KIF13A: variants seen among roughly 807,000 people sequenced by gnomAD.
The protein encoded by KIF13A is kinesin family member 13A.
In KIF13A, 79 loss-of-function variants were observed where a neutral mutation model predicts 212.2. The ratio of observed to expected loss-of-function variants is 0.37; its 90% CI spans 0.31 to 0.45. The LOEUF (loss-of-function observed/expected upper bound fraction) is 0.45, where lower values mean the gene tolerates loss of function less well. KIF13A is among the 20% of genes least tolerant of loss of function. The pLI is 1.00. For missense variants in KIF13A, 1,901 were observed against 2,209.0 expected (o/e 0.86, Z 2.79); for synonymous variants, 789 against 808.6 (o/e 0.98, Z 0.41).
rs759588912 is a variant in KIF13A, at chr6:17,779,114, A to G, written c.3940-15T>C. ...TCCTCAGTTGCCTACGAGGACAGGA[A>G]GGAAGTGACAATACTTTGATGTGAA... On this transcript the variant is annotated splice_polypyrimidine_tract_variant and intron_variant, in intron 32 of 38. Coordinates refer to ENST00000259711, the MANE Select transcript of KIF13A (RefSeq NM_022113.6). 3.6e-5 allele frequency: 58 copies of G among 1,612,188 alleles called. No individual in the cohort carries two copies. The Admixed American group carries it at 8.3e-4, about 23-fold the overall frequency.
chr6:17,798,752 CT>C (rs1762245133), intron 22 of KIF13A, among the ~76,000 whole-genome samples: 1 of 152,188 alleles, frequency 6.6e-6, no homozygotes, highest in East Asian at 1.9e-4. Flanking sequence ...TTCACCTTTC[CT>C]TTTTTTATAT....
At chr6:17,880,268 C>T (rs955250785) in intron 3 of KIF13A, among the ~76,000 whole-genome samples, 1 of 152,078 alleles carries the variant, frequency 6.6e-6, no homozygotes, top group Non-Finnish European at 1.5e-5. Context: ...AAACCGATGA[C>T]TGAAGAAAAA....
At chr6:17,976,883 C>T (rs1780580152) in intron 2 of KIF13A, among the ~76,000 whole-genome samples, 1 of 150,836 alleles carries the variant, frequency 6.6e-6, no homozygotes, top group South Asian at 2.1e-4. Flanking sequence ...GGGTGGATCA[C>T]GAGGTCAGGA....
intron 2 of KIF13A, among the ~76,000 whole-genome samples, chr6:17,911,702 A>G (rs1200809383): frequency 1.3e-5 from 2 of 151,518 alleles, no homozygotes; most frequent in Admixed American, 6.6e-5. Context: ...TGGGTTAAAA[A>G]AAAAAAAAAA....
chr6:17,779,711 T>A, intron 31 of KIF13A, 27 bp from the exon 32 acceptor site: 1 of 959,680 alleles, frequency 1.0e-6, no homozygotes. Flanking sequence ...AAAGCTGTAT[T>A]AAGCTATGTG....
intron 2 of KIF13A, among the ~76,000 whole-genome samples, chr6:17,985,712 TTTAC>T (rs988732154): frequency 2.7e-5 from 4 of 150,144 alleles, no homozygotes; most frequent in East Asian, 3.9e-4. Context: ...ACTCAATGAG[TTTAC>T]TTACTATCAC....
intron 3 of KIF13A, among the ~76,000 whole-genome samples, chr6:17,881,275 T>C (rs1025415495): frequency 6.6e-6 from 1 of 152,172 alleles, no homozygotes; most frequent in East Asian, 1.9e-4. Context: ...CCACTGAACA[T>C]CTAATAAAGT....
chr6:17,847,492 T>C (rs571757931), intron 9 of KIF13A, among the ~76,000 whole-genome samples: 1 of 152,370 alleles, frequency 6.6e-6, no homozygotes, highest in Non-Finnish European at 1.5e-5. Context: ...TTCTAATTTT[T>C]AAACTTTTGT....
At chr6:17,950,339 T>C (rs1253890874) in intron 2 of KIF13A, 7 of 903,808 alleles carry the variant, frequency 7.7e-6, no homozygotes, top group Non-Finnish European at 9.3e-6. Flanking sequence ...TAAACAAATC[T>C]AAGCACAAAC....
At chr6:17,859,633 T>C (rs1431067766) in intron 4 of KIF13A, among the ~76,000 whole-genome samples, 2 of 108,210 alleles carry the variant, frequency 1.8e-5, no homozygotes, top group East Asian at 2.2e-4. Flanking sequence ...TATATATATA[T>C]ATATATTTTT....
At chr6:17,803,566 T>G (rs1212431605) in intron 20 of KIF13A, among the ~76,000 whole-genome samples, 1 of 152,202 alleles carries the variant, frequency 6.6e-6, no homozygotes, top group East Asian at 1.9e-4. Context: ...GGCCACTATA[T>G]CTAAATAGCT....
chr6:17,909,934 A>G (rs961624522), intron 2 of KIF13A, among the ~76,000 whole-genome samples: 6 of 152,248 alleles, frequency 3.9e-5, no homozygotes, highest in Non-Finnish European at 7.3e-5. Context: ...GGAAAGAATT[A>G]TATAAATATG....
In KIF13A at chr6:17,858,113, GC is replaced by G. The variant is rs879944797; in HGVS notation, c.221-1992del. Among the ~76,000 whole-genome samples the G allele has an allele frequency of 9.0e-3, 1,219 of 135,028 alleles. 8 individuals carry two copies. Among genetic ancestry groups the G allele is most frequent in the Non-Finnish European group, 0.015 (902 of 60,400 alleles). The allele number at this position is 135,028 out of a possible 152,430, so 88.6% of individuals were successfully genotyped here. A position where few individuals can be genotyped will look rare whatever the true frequency, so the allele number is the denominator to read the frequency against. ...TGTGTGTGTGTGTGTGTGTGTGTGT[GC>G]ATGCACGCATGTGTGTGTGTGTGTG... On this transcript the variant is annotated intron_variant, in intron 4 of 38. Coordinates refer to ENST00000259711, the MANE Select transcript of KIF13A (RefSeq NM_022113.6).
At chr6:17,909,912 A>G (rs983886058) in intron 2 of KIF13A, among the ~76,000 whole-genome samples, 1 of 152,132 alleles carries the variant, frequency 6.6e-6, no homozygotes, top group African/African-American at 2.4e-5. Context: ...GAGAGTGGGG[A>G]AAAAAAACTC....
rs1299341981 is a variant in KIF13A at position 17,898,481 on chromosome 6, A to T, written c.147-301T>A. Among the ~76,000 whole-genome samples the T allele has an allele frequency of 6.6e-6, 1 of 152,228 alleles. No homozygotes were observed. The highest frequency in any genetic ancestry group is 2.4e-5 in the African/African-American group (1 of 41,468). ...TTTTAATGACTTTTAAGAAATGCCA[A>T]AGGAAGAGCATCAAGATAAAGAAAG... On this transcript the variant is annotated intron_variant, in intron 2 of 38. Transcript: ENST00000259711. This position sits in a 1 kb window ranked among gnomAD's most constrained non-coding sequence, Gnocchi z 5.2.
Position 17,786,052 on chromosome 6 carries a change from G to A in KIF13A, c.3362-411C>T, listed in dbSNP as rs1332222549. On this transcript the variant is annotated intron_variant, in intron 27 of 38. Coordinates refer to ENST00000259711, the MANE Select transcript of KIF13A (RefSeq NM_022113.6). The surrounding 1 kb of genome is among the most constrained non-coding windows in gnomAD (Gnocchi z 5.4). ...AAGAGCATGCATAGGGAGCTAAGAG[G>A]GGCTTCAACACCAATTTAAGGAACT... Among the ~76,000 whole-genome samples, 1 of 152,118 alleles carries A rather than the reference G, an allele frequency of 6.6e-6. No individual in the cohort carries two copies. Among genetic ancestry groups the A allele is most frequent in the Non-Finnish European group, 1.5e-5 (1 of 68,034 alleles).
chr6:17,969,774 T>C (rs1282318524), intron 2 of KIF13A, among the ~76,000 whole-genome samples: 2 of 152,246 alleles, frequency 1.3e-5, no homozygotes, highest in Non-Finnish European at 1.5e-5. Context: ...CTTTTGGTTT[T>C]TGGCATTCAT....
rs143770167 is a variant in KIF13A at position 17,856,266 on chromosome 6, G to C, written c.221-144C>G. On this transcript the variant is annotated intron_variant, in intron 4 of 38. Transcript: ENST00000259711. The surrounding 1 kb of genome is among the most constrained non-coding windows in gnomAD (Gnocchi z 4.5). ...CACTAAGTACAGGGCTGTGTATTAA[G>C]AGCTTGATATATGCAATTTCATCCA... 308 of 610,270 alleles carry C rather than the reference G, an allele frequency of 5.0e-4. 1 individual carries two copies. In the East Asian group the frequency reaches 8.2e-3, roughly 16 times the overall value. 37.8% of individuals were successfully genotyped at this position (610,270 alleles called of 1,614,324 possible). A position where few individuals can be genotyped will look rare whatever the true frequency, so the allele number is the denominator to read the frequency against.
intron 38 of KIF13A, among the ~76,000 whole-genome samples, chr6:17,765,524 A>G (rs1312270526): frequency 6.6e-6 from 1 of 152,240 alleles, no homozygotes; most frequent in Non-Finnish European, 1.5e-5. Context: ...ATTATGCTAC[A>G]TATCGTAAGG....
Sources: gnomAD v4.1 joint callset for allele counts (sites outside exome capture counted in the v4.1 genomes callset) on GRCh38, gnomAD v4.1.1 for gene constraint, Gnocchi (gnomAD v3.1) non-coding constraint, MANE v1.5 for transcripts, NCBI Gene and HGNC (gene_info 2026-07-23, HGNC 2026-07-21) for gene names.